Variants in TIMM23B observed in about 807,000 individuals in gnomAD.
The protein encoded by TIMM23B is mitochondrial import inner membrane translocase subunit Tim23B.
In TIMM23B, 27 loss-of-function variants were observed where a neutral mutation model predicts 27.3. The ratio of observed to expected loss-of-function variants is 0.99; its 90% CI spans 0.73 to 1.36. The LOEUF is 1.36. Ranked by LOEUF, TIMM23B falls within the 40% of genes most tolerant of loss-of-function variation. The pLI is 0.00. For missense variants in TIMM23B, 205 were observed against 244.2 expected (o/e 0.84, Z 1.07); for synonymous variants, 73 against 92.4 (o/e 0.79, Z 1.21).
chr10:49,952,130 C>G lies in TIMM23B; in HGVS notation c.170C>G (p.Thr57Arg), dbSNP rs2133063642. Reference sequence around the variant, plus strand: ...TTTTCATTATTATCCTTTTAGGATACAGATGAGTTCATTTTACCTACCGGA... The same window carrying G: ...TTTTCATTATTATCCTTTTAGGATAGAGATGAGTTCATTTTACCTACCGGA... ...NVDPRYLVQD[T>R]DEFILPTGAN... The change falls in exon 3 of 7, where the codon ACA becomes AGA. Residue 57 changes from threonine (T) to arginine (R), a missense_variant. Physicochemically the swap from Thr to Arg is moderately conservative, Grantham distance 71 (BLOSUM62 -1). Transcript: ENST00000651259. 2 of 1,594,772 alleles carry G rather than the reference C, an allele frequency of 1.3e-6. No homozygotes were observed. The highest frequency in any genetic ancestry group is 4.5e-5 in the East Asian group (2 of 44,778).
At chr10:49,964,840 G>A (rs1840067486) in intron 6 of TIMM23B, among the ~76,000 whole-genome samples, 1 of 152,210 alleles carries the variant, frequency 6.6e-6, no homozygotes, top group South Asian at 2.1e-4. Context: ...AATGCTGGCT[G>A]TGGTGATGCA....
chr10:49,962,115 T>C (rs1189241339), intron 6 of TIMM23B, among the ~76,000 whole-genome samples: 2 of 152,234 alleles, frequency 1.3e-5, no homozygotes, highest in Non-Finnish European at 2.9e-5. Context: ...CTTAACTCTT[T>C]AGAAGTTTTA....
At chr10:49,966,602 G>C (rs1840172028) in intron 6 of TIMM23B, among the ~76,000 whole-genome samples, 1 of 152,058 alleles carries the variant, frequency 6.6e-6, no homozygotes, top group Non-Finnish European at 1.5e-5. Context: ...GAGGCAGGTG[G>C]ATCACCTGAG....
At position 49,946,409 on chromosome 10, in the gene TIMM23B, A is replaced by C. The variant is rs1425284158; in HGVS notation, c.165+1319A>C. ...TGGCATTCAAGTTGAAAAAGAAGTT[A>C]AACTATCTGTTTACAAATGACATGA... On this transcript the variant is annotated intron_variant, in intron 2 of 6. Transcript: ENST00000651259. 1.1e-4 allele frequency among the ~76,000 whole-genome samples: 16 copies of C among 152,344 alleles called. No individual in the cohort carries two copies. The South Asian group carries it at 3.1e-3, about 30-fold the overall frequency.
chr10:49,973,073 G>C lies in TIMM23B; in HGVS notation c.*9G>C, dbSNP rs1370983604. ...TGCTGTCTGGCTCCTGAACCCAGCT[G>C]TAGAGGTGTGTGTCAATCCCAACTG... is the stretch of plus-strand genomic sequence containing the variant. On this transcript the variant is annotated 3_prime_UTR_variant, in exon 7 of 7. Transcript: ENST00000651259. The C allele has an allele frequency of 2.3e-5, 36 of 1,533,152 alleles. No homozygotes were observed. Among genetic ancestry groups the C allele is most frequent in the Non-Finnish European group, 3.1e-5 (36 of 1,146,456 alleles). The allele number at this position is 1,533,152 out of a possible 1,614,324, so 95.0% of individuals were successfully genotyped here.
chr10:49,946,867 A>G (rs1333674692), intron 2 of TIMM23B, among the ~76,000 whole-genome samples: 1 of 150,890 alleles, frequency 6.6e-6, no homozygotes, highest in Non-Finnish European at 1.5e-5. Context: ...GACCTTGAGA[A>G]AATAGATTGG....
At chr10:49,945,799 G>A (rs1380628083) in intron 2 of TIMM23B, among the ~76,000 whole-genome samples, 1 of 152,030 alleles carries the variant, frequency 6.6e-6, no homozygotes, top group Non-Finnish European at 1.5e-5. Context: ...TTATAATAAA[G>A]CAATCAAGGA....
Position 49,942,235 on chromosome 10 carries a change from T to G in TIMM23B, c.41T>G (p.Val14Gly), listed in dbSNP as rs61847112. 2.0e-5 allele frequency: 32 copies of G among 1,612,078 alleles called. No individual in the cohort carries two copies. Among genetic ancestry groups the G allele is most frequent in the Non-Finnish European group, 2.4e-5 (28 of 1,179,250 alleles). The change falls in exon 1 of 7, where the codon GTA becomes GGA. Residue 14 changes from valine to glycine, a missense_variant. Transcript: ENST00000651259. The stretch of plus-strand genomic sequence containing the variant: ...GGAAGCGGCGACAAAACCACAGGGG[T>G]ATTGGCCGGCTTTTTCGGAGCCGGC... The part of the protein sequence containing the change: ...GGGSGDKTTG[V>G]LAGFFGAGEA...
At chr10:49,971,454 AAAG>A (rs1840445476) in intron 6 of TIMM23B, among the ~76,000 whole-genome samples, 1 of 152,130 alleles carries the variant, frequency 6.6e-6, no homozygotes, top group Non-Finnish European at 1.5e-5. Context: ...ACAAACAAAA[AAAG>A]AGAATGTAAG....
At chr10:49,950,396 G>A (rs1483391422) in intron 2 of TIMM23B, among the ~76,000 whole-genome samples, 1 of 151,040 alleles carries the variant, frequency 6.6e-6, no homozygotes, top group Non-Finnish European at 1.5e-5. Context: ...TAACAGCCTT[G>A]TTTGTGTGTG....
intron 6 of TIMM23B, among the ~76,000 whole-genome samples, chr10:49,969,709 A>G (rs1416448335): frequency 3.3e-5 from 5 of 152,116 alleles, no homozygotes; most frequent in African/African-American, 1.2e-4. Flanking sequence ...TGGTATATAC[A>G]TAGAATATTA....
intron 6 of TIMM23B, chr10:49,972,718 A>G: frequency 2.7e-6 from 1 of 373,484 alleles, no homozygotes; most frequent in Non-Finnish European, 4.8e-6. Flanking sequence ...AAATGGCAAT[A>G]AAGCATGTGT....
chr10:49,949,057 C>CTT (rs1179985131), intron 2 of TIMM23B, among the ~76,000 whole-genome samples: 1 of 145,934 alleles, frequency 6.9e-6, no homozygotes, highest in Non-Finnish European at 1.5e-5. Context: ...CTGGCTAATT[C>CTT]TTTTTTTTTT....
intron 6 of TIMM23B, among the ~76,000 whole-genome samples, chr10:49,960,328 G>A (rs1301065795): frequency 2.0e-5 from 3 of 148,792 alleles, no homozygotes; most frequent in Non-Finnish European, 3.0e-5. Context: ...TAGGATTGCA[G>A]ATGTGAGCTA....
At chr10:49,969,616 T>C (rs2132064771) in intron 6 of TIMM23B, among the ~76,000 whole-genome samples, 1 of 151,290 alleles carries the variant, frequency 6.6e-6, no homozygotes, top group Middle Eastern at 3.5e-3. Flanking sequence ...TCACTTGAGC[T>C]TGGGGAGGTC....
At chr10:49,964,724 C>G (rs1470653922) in intron 6 of TIMM23B, among the ~76,000 whole-genome samples, 2 of 151,342 alleles carry the variant, frequency 1.3e-5, no homozygotes, top group Non-Finnish European at 2.9e-5. Context: ...GAGCGAGTCT[C>G]TGTCTCAAAT....
chr10:49,950,120 G>A (rs1380155281), intron 2 of TIMM23B, among the ~76,000 whole-genome samples: 1 of 151,234 alleles, frequency 6.6e-6, no homozygotes, highest in Non-Finnish European at 1.5e-5. Context: ...TGAACATCTG[G>A]TACAAAAATA....
chr10:49,967,236 ATTTC>A (rs1281478392), intron 6 of TIMM23B, among the ~76,000 whole-genome samples: 3 of 151,748 alleles, frequency 2.0e-5, no homozygotes, highest in Non-Finnish European at 4.4e-5. Flanking sequence ...CTTTTTTTAA[ATTTC>A]TGTATTTAAA....
intron 2 of TIMM23B, among the ~76,000 whole-genome samples, chr10:49,946,509 A>C (rs1839360203): frequency 6.6e-6 from 1 of 152,244 alleles, no homozygotes; most frequent in Admixed American, 6.5e-5. Flanking sequence ...CAAGTTGCAG[A>C]ATACAAGTTC....
Sources: allele counts gnomAD v4.1 joint callset (sites outside exome capture counted in the v4.1 genomes callset), GRCh38; gene constraint gnomAD v4.1.1; transcripts MANE v1.5; gene names NCBI Gene and HGNC (gene_info 2026-07-23, HGNC 2026-07-21).